The following TRAM2 variants were observed in gnomAD, a reference collection of about 807,000 sequenced individuals.
TRAM2 encodes the protein translocating chain-associated membrane protein 2.
Under a neutral mutation model 51.0 loss-of-function variants are expected in TRAM2, and 12 were observed. That is an observed-to-expected ratio of 0.24 (90% confidence interval 0.15 to 0.38). The LOEUF is 0.38. TRAM2 is among the 10% of genes least tolerant of loss of function. The probability of loss-of-function intolerance (pLI) is 1.00; values close to 1 mark genes in which losing one functional copy is unlikely to be tolerated. For missense variants in TRAM2, 361 were observed against 462.0 expected, an observed-to-expected ratio of 0.78 and a Z score of 2.00; for synonymous variants, 175 against 179.4, an observed-to-expected ratio of 0.98 and a Z score of 0.20.
intron 4 of TRAM2, among the ~76,000 whole-genome samples, chr6:52,510,017 A>T (rs928155587): frequency 2.0e-4 from 30 of 152,186 alleles, no homozygotes; most frequent in Admixed American, 3.9e-4. Flanking sequence ...GCGCTCAGGA[A>T]ATGCCTCCAT....
intron 2 of TRAM2, among the ~76,000 whole-genome samples, chr6:52,529,346 G>C (rs1405131240): frequency 6.6e-6 from 1 of 152,144 alleles, no homozygotes; most frequent in Admixed American, 6.5e-5. Flanking sequence ...TGAGTTACTG[G>C]GTTTAGGGGT....
intron 1 of TRAM2, among the ~76,000 whole-genome samples, chr6:52,571,482 A>G (rs1244605568): frequency 6.6e-6 from 1 of 152,172 alleles, no homozygotes. Flanking sequence ...CAGACAACAG[A>G]GCAGGCAAGA....
chr6:52,522,844 T>G, intron 2 of TRAM2: 1 of 697,938 alleles, frequency 1.4e-6, no homozygotes. Flanking sequence ...TCCTGCTCCG[T>G]TTCCTATGAC....
intron 1 of TRAM2, among the ~76,000 whole-genome samples, 192 bp downstream of exon 1, chr6:52,576,604 A>G (rs941789260): frequency 1.3e-5 from 2 of 152,110 alleles, no homozygotes; most frequent in African/African-American, 4.8e-5. Flanking sequence ...CACGGCGCGG[A>G]GCTGGGGGTG....
rs144623008 is a variant in TRAM2, at chr6:52,505,521, C to A, written c.875+78G>T. On this transcript the variant is annotated intron_variant, in intron 9 of 10. Coordinates refer to ENST00000182527, the MANE Select transcript of TRAM2 (RefSeq NM_012288.4). ...ATGTGGGAGACTAAAGGGTCTGCTG[C>A]CTCCAGACCTTCTGCAAGGGCTGTG... 2.3e-4 allele frequency: 337 copies of A among 1,497,442 alleles called. 3 individuals carry two copies. In the African/African-American group the frequency reaches 4.3e-3, roughly 19 times the overall value. The allele number at this position is 1,497,442 out of a possible 1,614,324, so 92.8% of individuals were successfully genotyped here.
At chr6:52,561,085 G>A (rs1230654985) in intron 1 of TRAM2, among the ~76,000 whole-genome samples, 2 of 152,324 alleles carry the variant, frequency 1.3e-5, no homozygotes, top group African/African-American at 4.8e-5. Flanking sequence ...ACATGCTACA[G>A]CATAGATGAA....
chr6:52,520,468 G>A (rs1021408938), intron 2 of TRAM2, among the ~76,000 whole-genome samples: 9 of 152,346 alleles, frequency 5.9e-5, no homozygotes, highest in East Asian at 1.9e-4. Context: ...GATGGGCGTC[G>A]GATAGAGTCA....
rs551914693 is a variant in TRAM2 at position 52,499,548 on chromosome 6, G to T, written c.*3649C>A. 12 of 152,228 alleles carry T rather than the reference G, an allele frequency of 7.9e-5. No homozygotes were observed. The South Asian group carries it at 2.5e-3, about 32-fold the overall frequency. 9.4% of individuals were successfully genotyped at this position (152,228 alleles called of 1,614,324 possible). A position where few individuals can be genotyped will look rare whatever the true frequency, so the allele number is the denominator to read the frequency against. ...ATCCATGGAAGATAAGAATTTTGTT[G>T]TGGAATCCTGGGAGGAGATGCACTC... On this transcript the variant is annotated 3_prime_UTR_variant, in exon 11 of 11. Coordinates refer to ENST00000182527, the MANE Select transcript of TRAM2 (RefSeq NM_012288.4).
At chr6:52,567,021 T>C (rs1349984394) in intron 1 of TRAM2, among the ~76,000 whole-genome samples, 2 of 152,242 alleles carry the variant, frequency 1.3e-5, no homozygotes, top group African/African-American at 4.8e-5. Context: ...TTTCTCTGTG[T>C]TCCCAGCATC....
rs185634974 is a variant in TRAM2 at position 52,559,873 on chromosome 6, T to C, written c.120+16923A>G. Among the ~76,000 whole-genome samples the C allele has an allele frequency of 6.7e-3, 1,023 of 152,264 alleles. 9 individuals carry two copies. The highest frequency in any genetic ancestry group is 0.011 in the African/African-American group (449 of 41,536). ...ATAATTCTTATCTCAAGTTTTTTTT[T>C]CCCCCAAAACAGAATTGTGGGAAGT... On this transcript the variant is annotated intron_variant, in intron 1 of 10. Transcript: ENST00000182527.
At chr6:52,544,010 G>C (rs1767151323) in intron 1 of TRAM2, among the ~76,000 whole-genome samples, 1 of 152,166 alleles carries the variant, frequency 6.6e-6, no homozygotes, top group Non-Finnish European at 1.5e-5. Context: ...CCACCACCTT[G>C]AAAGTTTCAA....
At chr6:52,574,456 G>A (rs1025697885) in intron 1 of TRAM2, among the ~76,000 whole-genome samples, 2 of 152,210 alleles carry the variant, frequency 1.3e-5, no homozygotes, top group African/African-American at 4.8e-5. Flanking sequence ...TCTTACTGGA[G>A]GCTTAGGGCA....
rs577201248 is a variant in TRAM2 at position 52,568,270 on chromosome 6, C to T, written c.120+8526G>A. Among the ~76,000 whole-genome samples the T allele has an allele frequency of 1.9e-3, 282 of 152,332 alleles. 1 individual carries two copies. Among genetic ancestry groups the T allele is most frequent in the Middle Eastern group, 3.4e-3 (1 of 294 alleles). On this transcript the variant is annotated intron_variant, in intron 1 of 10. Transcript: ENST00000182527. The stretch of plus-strand genomic sequence containing the variant: ...CCATCATAACCAAACCAGAACCCTG[C>T]TATTCTTTTAAAAAATCAACTACCA...
intron 1 of TRAM2, among the ~76,000 whole-genome samples, chr6:52,557,158 A>G (rs1396929614): frequency 7.0e-6 from 1 of 141,862 alleles, no homozygotes; most frequent in Non-Finnish European, 1.6e-5. Context: ...ACACCGTTGC[A>G]CTCCAGCCTG....
chr6:52,535,756 G>C (rs1766968207), intron 2 of TRAM2, 27 bp downstream of exon 2: 1 of 1,600,788 alleles, frequency 6.2e-7, no homozygotes. Flanking sequence ...ACAGGGCCAG[G>C]AGAAGATGGA....
rs750849216 is a variant in TRAM2 at position 52,508,238 on chromosome 6, C to T, written c.551G>A (p.Arg184Gln). Residue 184 changes from arginine to glutamine, a missense_variant, in exon 6 of 11, where the codon CGG becomes CAG. Arg to Gln is a conservative substitution (Grantham distance 43). Coordinates refer to ENST00000182527, the MANE Select transcript of TRAM2 (RefSeq NM_012288.4). ...GGGAGAGAAGTGAGCACTCACCTTC[C>T]GTACCTTCTGGAAGTATAGCTCAGG... The part of the protein sequence containing the change: ...ALPELYFQKV[R>Q]KEEIPRQLQY... 8.7e-6 allele frequency: 14 copies of T among 1,613,856 alleles called. 1 individual carries two copies. Among genetic ancestry groups the T allele is most frequent in the African/African-American group, 1.3e-5 (1 of 74,936 alleles).
chr6:52,504,873 C>T, intron 9 of TRAM2, 119 bp from the exon 10 acceptor site: 1 of 849,388 alleles, frequency 1.2e-6, no homozygotes, highest in South Asian at 1.7e-5. Flanking sequence ...TCACGTCCGC[C>T]TTCACCACTG....
intron 5 of TRAM2, among the ~76,000 whole-genome samples, chr6:52,509,122 C>A (rs1766403124): frequency 1.3e-5 from 2 of 152,240 alleles, no homozygotes; most frequent in African/African-American, 4.8e-5. Context: ...TTGGGGTACA[C>A]TGCCCTCTTG....
At chr6:52,546,731 GCA>G (rs1173799351) in intron 1 of TRAM2, among the ~76,000 whole-genome samples, 2 of 152,108 alleles carry the variant, frequency 1.3e-5, no homozygotes, top group Non-Finnish European at 2.9e-5. Flanking sequence ...CGCTGAGAAG[GCA>G]CAGTCAGAGG....
Sources: gnomAD v4.1 joint callset for allele counts (sites outside exome capture counted in the v4.1 genomes callset) on GRCh38, gnomAD v4.1.1 for gene constraint, MANE v1.5 for transcripts, NCBI Gene and HGNC (gene_info 2026-07-23, HGNC 2026-07-21) for gene names.